TBC1D14: variants seen among roughly 807,000 people sequenced by gnomAD.
TBC1D14 encodes TBC1 domain family, member 14.
Under a neutral mutation model 79.0 loss-of-function variants are expected in TBC1D14, and 26 were observed. The ratio of observed to expected loss-of-function variants is 0.33; its 90% CI spans 0.24 to 0.46. The LOEUF is 0.46. Among genes scored for constraint, TBC1D14 ranks in the 20% least tolerant of loss-of-function variants. TBC1D14 has a pLI of 1.00. For missense variants in TBC1D14, 769 were observed against 887.6 expected (o/e 0.87, Z 1.70); for synonymous variants, 394 against 349.9 (o/e 1.13, Z -1.40).
In TBC1D14 at chr4:7,006,681, A is replaced by C; in HGVS notation, c.1401A>C (p.Lys467Asn). Reference protein sequence around the residue: ...ADREASLELIKLDISRTFPNL... With the variant: ...ADREASLELINLDISRTFPNL... ...GAGAAGCCAGTCTGGAGCTTATTAA[A>C]CTGGACATTTCTAGAACATTTCCTA... The change falls in exon 9 of 14, where the codon AAA becomes AAC. Residue 467 changes from lysine (K) to asparagine (N), a missense_variant. Coordinates refer to ENST00000409757, the MANE Select transcript of TBC1D14 (RefSeq NM_020773.3). 6.2e-7 allele frequency: 1 copy of C among 1,614,040 alleles called. No individual in the cohort carries two copies. Among genetic ancestry groups the C allele is most frequent in the Non-Finnish European group, 8.5e-7 (1 of 1,179,982 alleles).
At chr4:6,970,708 G>A (rs1424220136) in intron 3 of TBC1D14, among the ~76,000 whole-genome samples, 3 of 151,642 alleles carry the variant, frequency 2.0e-5, no homozygotes, top group Non-Finnish European at 4.4e-5. Flanking sequence ...CTGCCTCAAG[G>A]AGCCCGTGGC....
intron 3 of TBC1D14, among the ~76,000 whole-genome samples, chr4:6,989,789 A>ACCCTGCCT (rs1560315430): frequency 6.6e-6 from 1 of 151,972 alleles, no homozygotes; most frequent in Non-Finnish European, 1.5e-5. Context: ...CTGCTCAGGC[A>ACCCTGCCT]CCCTGCCTCC....
chr4:7,012,385 C>G (rs1283095078), intron 11 of TBC1D14, among the ~76,000 whole-genome samples: 1 of 151,606 alleles, frequency 6.6e-6, no homozygotes, highest in Non-Finnish European at 1.5e-5. Flanking sequence ...TGGAAGACAA[C>G]TTGGTATTAA....
chr4:6,979,951 A>G (rs997497431), intron 3 of TBC1D14, among the ~76,000 whole-genome samples: 1 of 152,222 alleles, frequency 6.6e-6, no homozygotes, highest in Non-Finnish European at 1.5e-5. Flanking sequence ...ACACGTCCAC[A>G]TTTATAATGG....
At chr4:6,978,141 T>C (rs55642267) in intron 3 of TBC1D14, among the ~76,000 whole-genome samples, 13,934 of 101,014 alleles carry the variant, frequency 0.14, 869 homozygotes, top group African/African-American at 0.28. Flanking sequence ...CCCGCCCGGC[T>C]AGCCGCCCCG....
intron 11 of TBC1D14, among the ~76,000 whole-genome samples, chr4:7,013,283 G>A (rs145944695): frequency 6.6e-6 from 1 of 152,342 alleles, no homozygotes; most frequent in Non-Finnish European, 1.5e-5. Flanking sequence ...CCCCGGTTAT[G>A]ACGACCAGAA....
chr4:7,001,326 A>T, intron 7 of TBC1D14, 75 bp downstream of exon 7: 1 of 1,256,838 alleles, frequency 8.0e-7, no homozygotes, highest in Non-Finnish European at 1.1e-6. Context: ...GCCCTGTTGG[A>T]AAGAATGGCA....
chr4:6,995,843 T>A (rs184048845), intron 4 of TBC1D14: 237 of 144,792 alleles, frequency 1.6e-3, no homozygotes, highest in East Asian at 9.7e-3. Flanking sequence ...TTAATTAATT[T>A]ATTTATTTTT....
chr4:6,923,180 C>T (rs1012302803), intron 1 of TBC1D14, among the ~76,000 whole-genome samples, 193 bp from the exon 2 acceptor site: 1 of 152,160 alleles, frequency 6.6e-6, no homozygotes, highest in African/African-American at 2.4e-5. Context: ...CCAGCCTGGG[C>T]GACAGAGCGA....
intron 3 of TBC1D14, among the ~76,000 whole-genome samples, chr4:6,976,539 AC>A (rs1716728613): frequency 6.6e-6 from 1 of 152,240 alleles, no homozygotes; most frequent in Admixed American, 6.5e-5. Context: ...GCCGAAAAGA[AC>A]TGTCAACCCA....
chr4:7,009,978 G>T (rs768456346), intron 10 of TBC1D14, 30 bp downstream of exon 10: 2 of 1,611,660 alleles, frequency 1.2e-6, no homozygotes, highest in East Asian at 4.5e-5. Flanking sequence ...ATTTTATAAT[G>T]TTGTTATCTA....
intron 2 of TBC1D14, among the ~76,000 whole-genome samples, chr4:6,962,991 A>G (rs1172620200): frequency 2.6e-5 from 4 of 152,050 alleles, no homozygotes; most frequent in Non-Finnish European, 5.9e-5. Context: ...AGGTGACTCT[A>G]CCCTGCCCTC....
intron 9 of TBC1D14, among the ~76,000 whole-genome samples, chr4:7,008,718 T>A (rs1407673254): frequency 6.6e-6 from 1 of 152,260 alleles, no homozygotes; most frequent in East Asian, 1.9e-4. Context: ...GCCGCATCAT[T>A]GTTTTCATTT....
intron 1 of TBC1D14, among the ~76,000 whole-genome samples, chr4:6,923,145 T>C (rs1378368127): frequency 6.6e-6 from 1 of 152,168 alleles, no homozygotes; most frequent in Admixed American, 6.5e-5. Context: ...AGGTTTGCAG[T>C]AAGCCCAGAT....
In TBC1D14 at chr4:7,006,698, C is replaced by T. The variant is rs2109230137; in HGVS notation, c.1418C>T (p.Thr473Ile). 1 of 1,613,884 alleles carries T rather than the reference C, an allele frequency of 6.2e-7. No individual in the cohort carries two copies. ...CTTATTAAACTGGACATTTCTAGAA[C>T]ATTTCCTAATCTCTGCATTTTCCAG... ...LELIKLDISR[T>I]FPNLCIFQQG... The change falls in exon 9 of 14, where the codon ACA becomes ATA. Residue 473 changes from threonine (T) to isoleucine (I), a missense_variant. This residue lies in a region of TBC1D14 where 367 missense variants were observed against 494.4 expected (regional missense o/e 0.74). Transcript: ENST00000409757.
intron 2 of TBC1D14, among the ~76,000 whole-genome samples, chr4:6,935,841 A>C (rs1712267932): frequency 6.6e-6 from 1 of 151,820 alleles, no homozygotes; most frequent in South Asian, 2.1e-4. Flanking sequence ...ATGGGGTTTC[A>C]CTGTGTTGGC....
Position 7,007,489 on chromosome 4 carries a change from C to G in TBC1D14, c.1446+763C>G, listed in dbSNP as rs1170953155. On this transcript the variant is annotated intron_variant, in intron 9 of 13. Transcript: ENST00000409757. ...GTTGTTCTTGCAGAATACCTTTGCA[C>G]CTGTCCCTTGTCTGTTCTCACTGCC... is the stretch of plus-strand genomic sequence containing the variant. 3.2e-6 allele frequency: 4 copies of G among 1,260,016 alleles called. No individual in the cohort carries two copies. In the South Asian group the frequency reaches 5.0e-5, roughly 16 times the overall value. 78.1% of individuals were successfully genotyped at this position (1,260,016 alleles called of 1,614,324 possible). A position where few individuals can be genotyped will look rare whatever the true frequency, so the allele number is the denominator to read the frequency against.
chr4:6,974,820 C>G (rs1716565630), intron 3 of TBC1D14, among the ~76,000 whole-genome samples: 1 of 148,810 alleles, frequency 6.7e-6, no homozygotes, highest in Non-Finnish European at 1.5e-5. Context: ...CTAGAATCAT[C>G]TTTAAAAAAA....
chr4:6,964,844 T>TA (rs1392792432), intron 2 of TBC1D14, among the ~76,000 whole-genome samples: 1 of 152,222 alleles, frequency 6.6e-6, no homozygotes, highest in Non-Finnish European at 1.5e-5. Flanking sequence ...TCAAATTTAC[T>TA]AAAAAACTGC....
Sources: gnomAD v4.1 joint callset for allele counts (sites outside exome capture counted in the v4.1 genomes callset) on GRCh38, gnomAD v4.1.1 for gene constraint, gnomAD v4.1.1 regional missense constraint, MANE v1.5 for transcripts, NCBI Gene and HGNC (gene_info 2026-07-23, HGNC 2026-07-21) for gene names.